The following CCDC60 variants were observed in gnomAD, a reference collection of about 807,000 sequenced individuals.
CCDC60 encodes the protein coiled-coil domain containing 60.
CCDC60 carries 54 observed loss-of-function variants against 63.5 expected under a neutral mutation model. The ratio of observed to expected loss-of-function variants is 0.85; its 90% CI spans 0.68 to 1.07. CCDC60 has a LOEUF of 1.07. Among genes scored for constraint, CCDC60 ranks in the 50% least tolerant of loss-of-function variants. The pLI is 0.00. For missense variants in CCDC60, 651 were observed against 684.3 expected, an observed-to-expected ratio of 0.95 and a Z score of 0.54; for synonymous variants, 206 against 238.8, an observed-to-expected ratio of 0.86 and a Z score of 1.27.
intron 2 of CCDC60, among the ~76,000 whole-genome samples, chr12:119,431,760 C>G (rs888662841): frequency 3.9e-5 from 6 of 152,118 alleles, no homozygotes; most frequent in Non-Finnish European, 8.8e-5. Context: ...CTCACTGCAA[C>G]CTCCGCCTCC....
Position 119,479,078 on chromosome 12 carries a change from T to C in CCDC60, c.342-16T>C, listed in dbSNP as rs377100588. The C allele has an allele frequency of 6.3e-6, 10 of 1,577,586 alleles. No homozygotes were observed. Among genetic ancestry groups the C allele is most frequent in the Non-Finnish European group, 8.7e-6 (10 of 1,147,632 alleles). On this transcript the variant is annotated splice_polypyrimidine_tract_variant and intron_variant, in intron 3 of 13. Transcript: ENST00000327554. The stretch of plus-strand genomic sequence containing the variant: ...GCTCATTGTTCACATTGTTTCTCTG[T>C]CTGCTTGTCCTTCAGCACATATGAT...
chr12:119,415,552 T>C (rs1480591753), intron 1 of CCDC60, among the ~76,000 whole-genome samples: 1 of 152,094 alleles, frequency 6.6e-6, no homozygotes, highest in Non-Finnish European at 1.5e-5. Flanking sequence ...TTTGGAAGGG[T>C]CAGCTATGTG....
intron 3 of CCDC60, among the ~76,000 whole-genome samples, chr12:119,472,573 CTCCTT>C: frequency 7.1e-6 from 1 of 139,922 alleles, no homozygotes; most frequent in African/African-American, 2.6e-5. Flanking sequence ...TAAAAAATGC[CTCCTT>C]TTTTTTTTTT....
At chr12:119,387,576 C>T (rs772880339) in intron 1 of CCDC60, among the ~76,000 whole-genome samples, 11 of 152,154 alleles carry the variant, frequency 7.2e-5, no homozygotes, top group Non-Finnish European at 1.6e-4. Context: ...ATTCCTCCCA[C>T]CCCCTTTTTC....
chr12:119,531,783 C>T (rs1952849647), intron 13 of CCDC60, among the ~76,000 whole-genome samples: 1 of 152,166 alleles, frequency 6.6e-6, no homozygotes, highest in Non-Finnish European at 1.5e-5. Context: ...TTAGGAGCCA[C>T]TAAACAGTTT....
At chr12:119,472,303 G>C in intron 3 of CCDC60, 139 bp downstream of exon 3, 1 of 775,344 alleles carries the variant, frequency 1.3e-6, no homozygotes, top group South Asian at 1.8e-5. Flanking sequence ...ACCTTCTTTA[G>C]TGTGGTCCAA....
chr12:119,445,720 G>A (rs2136271819), intron 2 of CCDC60, among the ~76,000 whole-genome samples: 1 of 152,242 alleles, frequency 6.6e-6, no homozygotes, highest in African/African-American at 2.4e-5. Context: ...GGTTGGATTA[G>A]CTTCGAAAGA....
intron 1 of CCDC60, among the ~76,000 whole-genome samples, chr12:119,336,002 C>A (rs1955466847): frequency 6.7e-6 from 1 of 148,248 alleles, no homozygotes; most frequent in Non-Finnish European, 1.5e-5. Context: ...GAACAAAAAA[C>A]CAAACACCGC....
Position 119,367,904 on chromosome 12 carries a change from T to A in CCDC60, c.90+32638T>A, listed in dbSNP as rs1457307106. Among the ~76,000 whole-genome samples the A allele has an allele frequency of 2.0e-5, 3 of 149,662 alleles. No individual in the cohort carries two copies. The South Asian group carries it at 6.4e-4, about 32-fold the overall frequency. On this transcript the variant is annotated intron_variant, in intron 1 of 13. Transcript: ENST00000327554. ...ATAATGGGGTAATATATAAAGGGGT[T>A]TTTTTTTTTTGAGCTGATGAAAAGT...
At chr12:119,345,948 T>G (rs1047095430) in intron 1 of CCDC60, among the ~76,000 whole-genome samples, 1 of 151,702 alleles carries the variant, frequency 6.6e-6, no homozygotes, top group East Asian at 1.9e-4. Flanking sequence ...CCCAAATAGC[T>G]GGGTTTACAA....
intron 7 of CCDC60, among the ~76,000 whole-genome samples, chr12:119,512,067 C>A (rs1378110018): frequency 1.3e-5 from 2 of 152,204 alleles, no homozygotes; most frequent in African/African-American, 2.4e-5. Context: ...GCTCCAAAGT[C>A]ACTAAGGAAG....
intron 1 of CCDC60, among the ~76,000 whole-genome samples, chr12:119,378,630 A>G (rs1241849642): frequency 6.6e-6 from 1 of 152,208 alleles, no homozygotes; most frequent in African/African-American, 2.4e-5. Context: ...ATAGGATTGG[A>G]ACCCAGGTCT....
At chr12:119,433,842 G>A (rs1716469) in intron 2 of CCDC60, among the ~76,000 whole-genome samples, 85,893 of 151,888 alleles carry the variant, frequency 0.57, 24,541 homozygotes, top group East Asian at 0.74. Flanking sequence ...TTTCCTCCTC[G>A]CCTGTTCCGT....
At chr12:119,471,953 C>CCTTCCTCCCTCTCTCCCT (rs1392800066) in intron 2 of CCDC60, 41 bp from the exon 3 acceptor site, 1 of 1,569,968 alleles carries the variant, frequency 6.4e-7, no homozygotes, top group African/African-American at 1.4e-5. Flanking sequence ...CACCCTCCCA[C>CCTTCCTCCCTCTCTCCCT]CTTCCTCCCT....
In CCDC60 at chr12:119,528,598, C is replaced by A; in HGVS notation, c.1230-17C>A. ...GGGGATCTCATTCTTCTCTCTCTTT[C>A]TCATACAACCTTGTAGGCGCCAAGA... On this transcript the variant is annotated splice_polypyrimidine_tract_variant and intron_variant, in intron 11 of 13. Transcript: ENST00000327554. The A allele has an allele frequency of 6.2e-7, 1 of 1,606,270 alleles. No individual in the cohort carries two copies. Among genetic ancestry groups the A allele is most frequent in the South Asian group, 1.1e-5 (1 of 89,716 alleles).
chr12:119,397,707 G>A (rs540508667), intron 1 of CCDC60, among the ~76,000 whole-genome samples: 20 of 125,930 alleles, frequency 1.6e-4, no homozygotes, highest in South Asian at 2.9e-4. Context: ...GTCCCACCCC[G>A]CTGCCTGCAC....
intron 1 of CCDC60, among the ~76,000 whole-genome samples, chr12:119,394,517 C>T (rs777532243): frequency 6.6e-6 from 1 of 152,228 alleles, no homozygotes; most frequent in South Asian, 2.1e-4. Context: ...CCCCAGGCAT[C>T]CCCTAAAAGC....
chr12:119,495,371 T>A (rs1037773151), intron 5 of CCDC60, among the ~76,000 whole-genome samples: 2 of 152,212 alleles, frequency 1.3e-5, no homozygotes, highest in African/African-American at 4.8e-5. Context: ...CTTACCGAGA[T>A]GTTATCACAT....
intron 7 of CCDC60, among the ~76,000 whole-genome samples, chr12:119,510,421 A>C (rs1952183189): frequency 1.3e-5 from 2 of 152,170 alleles, no homozygotes; most frequent in Non-Finnish European, 2.9e-5. Context: ...TTCAAGACCC[A>C]GTTCAAATGT....
Sources: allele counts gnomAD v4.1 joint callset (sites outside exome capture counted in the v4.1 genomes callset), GRCh38; gene constraint gnomAD v4.1.1; transcripts MANE v1.5; gene names NCBI Gene and HGNC (gene_info 2026-07-23, HGNC 2026-07-21).